ADAM32: variants seen among roughly 807,000 people sequenced by gnomAD.
ADAM32 encodes the protein ADAM metallopeptidase domain 32, also known as disintegrin and metalloproteinase domain-containing protein 32.
In ADAM32, 89 loss-of-function variants were observed where a neutral mutation model predicts 114.9. That is an observed-to-expected ratio of 0.77 (90% CI 0.65 to 0.92). ADAM32 has a LOEUF of 0.92. Among genes scored for constraint, ADAM32 ranks in the 40% least tolerant of loss-of-function variants. ADAM32 has a pLI of 0.00. For missense variants in ADAM32, 870 were observed against 932.8 expected (o/e 0.93, Z 0.88); for synonymous variants, 285 against 307.5 (o/e 0.93, Z 0.77).
chr8:39,183,351 C>T (rs1806028228), intron 10 of ADAM32, among the ~76,000 whole-genome samples: 1 of 152,082 alleles, frequency 6.6e-6, no homozygotes, highest in Non-Finnish European at 1.5e-5. Flanking sequence ...ACAAATGGTC[C>T]CAGAATGGTG....
chr8:39,176,735 TA>T (rs1222887001), intron 10 of ADAM32, among the ~76,000 whole-genome samples: 3 of 152,182 alleles, frequency 2.0e-5, no homozygotes, highest in African/African-American at 7.2e-5. Flanking sequence ...AAGTCCTGTA[TA>T]TCTTTGTTAA....
intron 3 of ADAM32, among the ~76,000 whole-genome samples, chr8:39,144,600 TC>T (rs2129445297): frequency 6.6e-6 from 1 of 152,300 alleles, no homozygotes; most frequent in South Asian, 2.1e-4. Context: ...AGTGTGAGTA[TC>T]CACATTCTTT....
At chr8:39,177,743 G>A (rs1341359025) in intron 10 of ADAM32, among the ~76,000 whole-genome samples, 1 of 150,056 alleles carries the variant, frequency 6.7e-6, no homozygotes, top group Non-Finnish European at 1.5e-5. Context: ...TGTCTGAAAA[G>A]GATCTTATTT....
At chr8:39,219,556 C>G (rs578220812) in intron 12 of ADAM32, among the ~76,000 whole-genome samples, 5 of 152,304 alleles carry the variant, frequency 3.3e-5, no homozygotes, top group Admixed American at 2.6e-4. Context: ...GAATTCAATG[C>G]AAAGCCTCAT....
intron 2 of ADAM32, among the ~76,000 whole-genome samples, chr8:39,133,397 CTG>C (rs2129444903): frequency 6.6e-6 from 1 of 152,324 alleles, no homozygotes; most frequent in South Asian, 2.1e-4. Context: ...TCAGTGATGT[CTG>C]TGAGTTTCCC....
At chr8:39,236,949 G>A (rs11776234) in intron 16 of ADAM32, among the ~76,000 whole-genome samples, 32,668 of 151,972 alleles carry the variant, frequency 0.21, 3,772 homozygotes, top group East Asian at 0.28. Flanking sequence ...GAACATAACA[G>A]GAAAACTTAA....
chr8:39,164,887 T>G (rs1804730855), intron 8 of ADAM32, 52 bp downstream of exon 8: 13 of 1,544,562 alleles, frequency 8.4e-6, no homozygotes, highest in Non-Finnish European at 1.2e-5. Context: ...AAATGATAAT[T>G]TGCCTAAACT....
At chr8:39,107,552 T>C (rs1472143442), upstream of ADAM32, 4 of 1,306,400 alleles carry the variant, frequency 3.1e-6, no homozygotes, top group South Asian at 1.6e-5. Context: ...ACCACGCGGC[T>C]GGGGTGCGCC....
intron 23 of ADAM32, among the ~76,000 whole-genome samples, chr8:39,282,568 A>G (rs2129451830): frequency 6.6e-6 from 1 of 152,226 alleles, no homozygotes; most frequent in East Asian, 1.9e-4. Context: ...CCAGAAAGGT[A>G]TTTGGTGATT....
chr8:39,275,039 C>T (rs774926928), intron 21 of ADAM32, among the ~76,000 whole-genome samples: 3 of 152,154 alleles, frequency 2.0e-5, no homozygotes, highest in Admixed American at 6.5e-5. Flanking sequence ...TTAAGTGCTC[C>T]GGGTTCCCGT....
intron 19 of ADAM32, among the ~76,000 whole-genome samples, chr8:39,258,936 T>C (rs1811836478): frequency 1.3e-5 from 2 of 152,174 alleles, no homozygotes; most frequent in African/African-American, 2.4e-5. Flanking sequence ...ATTTTCACTG[T>C]TTTAGATTGC....
At chr8:39,237,471 C>A (rs1375234896) in intron 16 of ADAM32, among the ~76,000 whole-genome samples, 1 of 152,096 alleles carries the variant, frequency 6.6e-6, no homozygotes, top group Non-Finnish European at 1.5e-5. Context: ...AGGCTTGTAG[C>A]CTGGAGCAAG....
chr8:39,211,451 C>T (rs1239461025), intron 12 of ADAM32, 127 bp downstream of exon 12: 25 of 921,252 alleles, frequency 2.7e-5, no homozygotes, highest in Admixed American at 4.1e-5. Flanking sequence ...GAAGTTGGGT[C>T]GAAATACATA....
intron 17 of ADAM32, among the ~76,000 whole-genome samples, chr8:39,251,870 A>AT (rs1488998361): frequency 1.3e-5 from 2 of 151,844 alleles, no homozygotes; most frequent in African/African-American, 4.8e-5. Context: ...TAAGTCTTGA[A>AT]TACATTTTGA....
At chr8:39,195,561 C>A (rs1291358653) in intron 11 of ADAM32, among the ~76,000 whole-genome samples, 1 of 152,110 alleles carries the variant, frequency 6.6e-6, no homozygotes, top group Non-Finnish European at 1.5e-5. Flanking sequence ...CAGTTTCCGG[C>A]CTTATGTTTA....
chr8:39,183,834 T>A (rs2129447024), intron 10 of ADAM32, among the ~76,000 whole-genome samples: 2 of 152,350 alleles, frequency 1.3e-5, no homozygotes, highest in Middle Eastern at 6.8e-3. Flanking sequence ...AATGTGACCC[T>A]GGTCAGAAAC....
At chr8:39,281,106 TA>T in intron 22 of ADAM32, 29 bp from the exon 23 acceptor site, 1 of 1,130,808 alleles carries the variant, frequency 8.8e-7, no homozygotes, top group Non-Finnish European at 1.2e-6. Flanking sequence ...AATAGATATT[TA>T]ATATATATTG....
chr8:39,151,473 CAAT>C lies in ADAM32; in HGVS notation c.451_453del (p.Asn151del). The C allele has an allele frequency of 6.2e-7, 1 of 1,602,720 alleles. No individual in the cohort carries two copies. The highest frequency in any genetic ancestry group is 8.5e-7 in the Non-Finnish European group (1 of 1,176,274). On this transcript the variant is annotated inframe_deletion, in exon 6 of 25. Transcript: ENST00000379907. ...TTCTTTACAAATTAAAGAATGAAGA[CAAT>C]GATATTGCAATTTTTATTGACAGAA...
chr8:39,117,760 A>G (rs533611616), intron 1 of ADAM32, among the ~76,000 whole-genome samples: 1 of 152,278 alleles, frequency 6.6e-6, no homozygotes, highest in South Asian at 2.1e-4. Context: ...TTCCTGAAAT[A>G]CAGTATACTT....
Sources: gnomAD v4.1 joint callset for allele counts (sites outside exome capture counted in the v4.1 genomes callset) on GRCh38, gnomAD v4.1.1 for gene constraint, MANE v1.5 for transcripts, NCBI Gene and HGNC (gene_info 2026-07-23, HGNC 2026-07-21) for gene names.